The following ATXN2 variants were observed in gnomAD, a reference collection of about 807,000 sequenced individuals.
The protein encoded by ATXN2 is ataxin-2.
A neutral mutation model predicts 138.6 loss-of-function variants in ATXN2; 37 were observed. The ratio of observed to expected loss-of-function variants is 0.27; its 90% confidence interval spans 0.21 to 0.35. The LOEUF (loss-of-function observed/expected upper bound fraction) is 0.35, where lower values mean the gene tolerates loss of function less well. Ranked by LOEUF, ATXN2 falls within the 10% of genes least tolerant of loss-of-function variation. ATXN2 has a pLI of 1.00. For missense variants in ATXN2, 1,216 were observed against 1,480.3 expected (o/e 0.82, Z 2.93); for synonymous variants, 549 against 543.7 (o/e 1.01, Z -0.13).
At chr12:111,466,269 C>T (rs1370048924) in intron 20 of ATXN2, among the ~76,000 whole-genome samples, 1 of 151,592 alleles carries the variant, frequency 6.6e-6, no homozygotes, top group Non-Finnish European at 1.5e-5. Flanking sequence ...GAGGCTGAGG[C>T]AGGCGGATCA....
At chr12:111,462,785 T>C (rs1875675899) in intron 21 of ATXN2, among the ~76,000 whole-genome samples, 1 of 152,158 alleles carries the variant, frequency 6.6e-6, no homozygotes, top group African/African-American at 2.4e-5. Flanking sequence ...TAACTACATT[T>C]GAGACCTCAA....
chr12:111,599,058 C>G lies in ATXN2; in HGVS notation c.-24G>C. ...ATGGTGAGGGGCCCATACACCGGCT[C>G]GCACGCCGGGCGGGGACAGCCGGGA... On this transcript the variant is annotated 5_prime_UTR_variant, in exon 1 of 25. Transcript: ENST00000673436. 1.4e-6 allele frequency: 2 copies of G among 1,446,430 alleles called. No homozygotes were observed. The highest frequency in any genetic ancestry group is 1.8e-6 in the Non-Finnish European group (2 of 1,100,228). 89.6% of individuals were successfully genotyped at this position (1,446,430 alleles called of 1,614,324 possible).
intron 21 of ATXN2, among the ~76,000 whole-genome samples, chr12:111,462,170 A>G (rs1412233986): frequency 1.3e-5 from 2 of 152,330 alleles, no homozygotes; most frequent in South Asian, 4.1e-4. Flanking sequence ...GTCTTCATAA[A>G]ATCTTTTAGA....
At chr12:111,579,651 T>C (rs982404959) in intron 1 of ATXN2, among the ~76,000 whole-genome samples, 9 of 150,834 alleles carry the variant, frequency 6.0e-5, no homozygotes, top group African/African-American at 2.2e-4. Context: ...AGACTACTAC[T>C]CAACAATAAG....
chr12:111,453,442 C>T lies in ATXN2; in HGVS notation c.3439+235G>A, dbSNP rs1488785747. The T allele has an allele frequency of 8.0e-7, 1 of 1,257,236 alleles. No homozygotes were observed. The highest frequency in any genetic ancestry group is 1.0e-6 in the Non-Finnish European group (1 of 1,001,486). 77.9% of individuals were successfully genotyped at this position (1,257,236 alleles called of 1,614,324 possible). ...CATCAGGCTGCTGTTGCTGCTGCTG[C>T]TGCTTCTCATCAAGCCAAATCCTGT... is the stretch of plus-strand genomic sequence containing the variant. On this transcript the variant is annotated intron_variant, in intron 24 of 24. Coordinates refer to ENST00000673436, the MANE Select transcript of ATXN2 (RefSeq NM_001372574.1). The surrounding 1 kb of genome is among the most constrained non-coding windows in gnomAD (Gnocchi z 5.4).
At chr12:111,478,386 A>G (rs1291341135) in intron 18 of ATXN2, among the ~76,000 whole-genome samples, 1 of 152,150 alleles carries the variant, frequency 6.6e-6, no homozygotes, top group Non-Finnish European at 1.5e-5. Context: ...AGCCTGGGCA[A>G]TAGAGTGAGA....
At chr12:111,582,660 TTTTGTTTG>T (rs371399749) in intron 1 of ATXN2, among the ~76,000 whole-genome samples, 3 of 152,100 alleles carry the variant, frequency 2.0e-5, no homozygotes, top group East Asian at 1.9e-4. Context: ...ATCTCAGTTT[TTTTGTTTG>T]TTTGTTTGTT....
intron 1 of ATXN2, among the ~76,000 whole-genome samples, chr12:111,566,638 CTT>C (rs908579279): frequency 2.1e-4 from 29 of 136,020 alleles, no homozygotes; most frequent in Non-Finnish European, 2.3e-4. Flanking sequence ...AATTGCTTTT[CTT>C]TTTTTTTTTT....
chr12:111,510,401 A>G lies in ATXN2; in HGVS notation c.1740T>C (p.Val580=). ...TPASPASNRA[V]TPSSEAKDSR... ...GTTACATACCCTCACTAGAAGGGGT[A>G]ACAGCTCTGTTCGATGCAGGACTAG... The change falls in exon 12 of 25, where the codon GTT becomes GTC. Residue 580 remains valine (V), a synonymous_variant. Coordinates refer to ENST00000673436, the MANE Select transcript of ATXN2 (RefSeq NM_001372574.1). The G allele has an allele frequency of 6.2e-7, 1 of 1,614,154 alleles. No homozygotes were observed.
intron 6 of ATXN2, 117 bp downstream of exon 6, chr12:111,525,075 T>A (rs1880404663): frequency 7.7e-7 from 1 of 1,301,666 alleles, no homozygotes; most frequent in Non-Finnish European, 1.0e-6. Flanking sequence ...ACAAACCTGC[T>A]GCTCTAAATA....
At position 111,452,591 on chromosome 12, in the gene ATXN2, T is replaced by G. The variant is rs1004981165; in HGVS notation, c.*221A>C. The G allele has an allele frequency of 3.5e-6, 2 of 575,504 alleles. No homozygotes were observed. Among genetic ancestry groups the G allele is most frequent in the African/African-American group, 3.8e-5 (2 of 53,072 alleles). 35.6% of individuals were successfully genotyped at this position (575,504 alleles called of 1,614,324 possible). On this transcript the variant is annotated 3_prime_UTR_variant, in exon 25 of 25. Transcript: ENST00000673436. ...GTACCTGCGGGACTCTGAAACAGCA[T>G]ATGGAATTATGGAATAGCCCCCAAG... is the stretch of plus-strand genomic sequence containing the variant.
At chr12:111,518,453 A>G (rs1879975813) in intron 8 of ATXN2, 26 bp from the exon 9 acceptor site, 2 of 1,570,816 alleles carry the variant, frequency 1.3e-6, no homozygotes, top group South Asian at 1.2e-5. Flanking sequence ...CCTCTAAATC[A>G]TTTTATTCTA....
At chr12:111,585,077 T>C (rs938251272) in intron 1 of ATXN2, among the ~76,000 whole-genome samples, 1 of 152,212 alleles carries the variant, frequency 6.6e-6, no homozygotes, top group African/African-American at 2.4e-5. Flanking sequence ...GATCTGCAGA[T>C]TGAAAAATAC....
intron 6 of ATXN2, among the ~76,000 whole-genome samples, chr12:111,522,011 G>C (rs1189570781): frequency 1.3e-5 from 2 of 152,118 alleles, no homozygotes; most frequent in Admixed American, 6.6e-5. Flanking sequence ...ATCCATCCCA[G>C]AAGAATGAAC....
intron 1 of ATXN2, among the ~76,000 whole-genome samples, chr12:111,587,796 A>G (rs1176771807): frequency 6.6e-6 from 1 of 152,202 alleles, no homozygotes; most frequent in Non-Finnish European, 1.5e-5. Flanking sequence ...TATATTGCCG[A>G]CAAGCCTCAT....
At chr12:111,495,605 T>C (rs769125660) in intron 14 of ATXN2, among the ~76,000 whole-genome samples, 2 of 152,054 alleles carry the variant, frequency 1.3e-5, no homozygotes, top group African/African-American at 4.8e-5. Flanking sequence ...GCAAACATTA[T>C]TAGAGCAAAA....
intron 5 of ATXN2, among the ~76,000 whole-genome samples, chr12:111,549,888 C>T (rs1048052913): frequency 6.6e-6 from 1 of 151,826 alleles, no homozygotes. Context: ...ATAGTGAAAC[C>T]CCGTCTCTAC....
intron 18 of ATXN2, among the ~76,000 whole-genome samples, chr12:111,482,446 G>A (rs558161049): frequency 2.6e-5 from 4 of 151,818 alleles, no homozygotes; most frequent in African/African-American, 9.7e-5. Context: ...TGCCCACCTC[G>A]GCCTCCCAAA....
rs376789852 is a variant in ATXN2, at chr12:111,551,770, T to C, written c.571+510A>G. On this transcript the variant is annotated intron_variant, in intron 5 of 24. Transcript: ENST00000673436. ...TTTTTAAGAGATCACAAAAACTCTATTTAATTTTTCTCTAAAGTTCTAATT... is the reference window on the plus strand; with the variant it reads ...TTTTTAAGAGATCACAAAAACTCTACTTAATTTTTCTCTAAAGTTCTAATT... 2.6e-5 allele frequency among the ~76,000 whole-genome samples: 4 copies of C among 152,132 alleles called. No individual in the cohort carries two copies. The East Asian group carries it at 7.7e-4, about 29-fold the overall frequency.
Sources: allele counts gnomAD v4.1 joint callset (sites outside exome capture counted in the v4.1 genomes callset), GRCh38; gene constraint gnomAD v4.1.1; non-coding constraint Gnocchi (gnomAD v3.1); transcripts MANE v1.5; gene names NCBI Gene and HGNC (gene_info 2026-07-23, HGNC 2026-07-21).